The following ONECUT3 variants were observed in gnomAD, a reference collection of about 807,000 sequenced individuals.
The protein encoded by ONECUT3 is one cut domain family member 3.
Under a neutral mutation model 16.8 loss-of-function variants are expected in ONECUT3, and 11 were observed. That is an observed-to-expected ratio of 0.66 (90% confidence interval 0.41 to 1.09). ONECUT3 has a LOEUF of 1.09. Ranked by LOEUF, ONECUT3 falls within the 50% of genes least tolerant of loss-of-function variation. ONECUT3 has a pLI of 0.00. For missense variants in ONECUT3, 637 were observed against 629.9 expected (o/e 1.01, Z -0.12); for synonymous variants, 344 against 310.7 (o/e 1.11, Z -1.13).
rs912124870 is a variant in ONECUT3 at position 1,776,580 on chromosome 19, A to G, written c.*1135A>G. 4 of 152,096 alleles carry G rather than the reference A, an allele frequency of 2.6e-5. No homozygotes were observed. The highest frequency in any genetic ancestry group is 2.6e-4 in the Admixed American group (4 of 15,276). 9.4% of individuals were successfully genotyped at this position (152,096 alleles called of 1,614,324 possible). A position where few individuals can be genotyped will look rare whatever the true frequency, so the allele number is the denominator to read the frequency against. On this transcript the variant is annotated 3_prime_UTR_variant, in exon 2 of 2. Coordinates refer to ENST00000382349, the MANE Select transcript of ONECUT3 (RefSeq NM_001080488.2). This position sits in a 1 kb window ranked among gnomAD's most constrained non-coding sequence, Gnocchi z 4.9. ...CCGCTTGCTCCATTTTTTGCCAAAA[A>G]TATTTACAAATGGGAAGGGTCGGAA...
rs375735094 is a variant in ONECUT3, at chr19:1,766,810, C to A, written c.1193-8343C>A. ...AGGGTCTTGCAGGCTGGGCTGAGAC[C>A]CCCCCCCCATGCTCCACCACCCTCG... On this transcript the variant is annotated intron_variant, in intron 1 of 1. Coordinates refer to ENST00000382349, the MANE Select transcript of ONECUT3 (RefSeq NM_001080488.2). This position sits in a 1 kb window ranked among gnomAD's most constrained non-coding sequence, Gnocchi z 4.0. Among the ~76,000 whole-genome samples the A allele has an allele frequency of 4.4e-3, 537 of 122,744 alleles. 9 individuals carry two copies. The highest frequency in any genetic ancestry group is 0.035 in the South Asian group (157 of 4,446). 80.5% of individuals were successfully genotyped at this position (122,744 alleles called of 152,430 possible). A position where few individuals can be genotyped will look rare whatever the true frequency, so the allele number is the denominator to read the frequency against.
chr19:1,755,577 G>A lies in ONECUT3; in HGVS notation c.1192+723G>A, dbSNP rs943583600. 6.6e-6 allele frequency among the ~76,000 whole-genome samples: 1 copy of A among 152,104 alleles called. No individual in the cohort carries two copies. The highest frequency in any genetic ancestry group is 1.5e-5 in the Non-Finnish European group (1 of 67,988). ...CCCGGCGCCCGCCCCGCGCAGTTTG[G>A]TCGTGGCTCGGGTGCGCGCGCCCCT... On this transcript the variant is annotated intron_variant, in intron 1 of 1. Transcript: ENST00000382349. This position sits in a 1 kb window ranked among gnomAD's most constrained non-coding sequence, Gnocchi z 7.5.
chr19:1,754,117 C>T lies in ONECUT3; in HGVS notation c.455C>T (p.Pro152Leu). Residue 152 changes from proline to leucine, a missense_variant, in exon 1 of 2, where the codon CCC becomes CTC. This residue lies in a region of ONECUT3 where 419 missense variants were observed against 377.9 expected (regional missense o/e 1.11). Transcript: ENST00000382349. The surrounding 1 kb of genome is among the most constrained non-coding windows in gnomAD (Gnocchi z 7.4). ...CACCCGCACCCGGCGGCCGCGCCGC[C>T]CCCGCCACCCCCGCCGCAGCGTCTG... ...HAHPHPAAAP[P>L]PPPPPQRLAA... The T allele has an allele frequency of 9.7e-7, 1 of 1,026,334 alleles. No individual in the cohort carries two copies. The highest frequency in any genetic ancestry group is 1.2e-6 in the Non-Finnish European group (1 of 859,222). The allele number at this position is 1,026,334 out of a possible 1,614,324, so 63.6% of individuals were successfully genotyped here. A position where few individuals can be genotyped will look rare whatever the true frequency, so the allele number is the denominator to read the frequency against.
chr19:1,760,149 G>A (rs866051067), intron 1 of ONECUT3, among the ~76,000 whole-genome samples: 1 of 152,196 alleles, frequency 6.6e-6, no homozygotes, highest in African/African-American at 2.4e-5. Context: ...CCACCCTACA[G>A]ACCAGCAAGC....
In ONECUT3 at chr19:1,762,190, G is replaced by T. The variant is rs2067949630; in HGVS notation, c.1192+7336G>T. On this transcript the variant is annotated intron_variant, in intron 1 of 1. Transcript: ENST00000382349. This position sits in a 1 kb window ranked among gnomAD's most constrained non-coding sequence, Gnocchi z 4.4. ...GTGGCTGCGCCATCTGGAGACCCTCGTGCTGGCTGCTGGGGGTCCTGCGTG... is the reference window on the plus strand; with the variant it reads ...GTGGCTGCGCCATCTGGAGACCCTCTTGCTGGCTGCTGGGGGTCCTGCGTG... 6.6e-6 allele frequency among the ~76,000 whole-genome samples: 1 copy of T among 152,190 alleles called. No individual in the cohort carries two copies. Among genetic ancestry groups the T allele is most frequent in the Non-Finnish European group, 1.5e-5 (1 of 68,026 alleles).
chr19:1,754,025 C>G lies in ONECUT3; in HGVS notation c.363C>G (p.Ala121=). Residue 121 remains alanine, a synonymous_variant, in exon 1 of 2, where the codon GCC becomes GCG. Coordinates refer to ENST00000382349, the MANE Select transcript of ONECUT3 (RefSeq NM_001080488.2). This position sits in a 1 kb window ranked among gnomAD's most constrained non-coding sequence, Gnocchi z 7.4. ...ACCTGCCGCCGCTCGCGGCCGTGGCCGACAAGTTCCACCAGCACGCGGCGG... is the reference window on the plus strand; with the variant it reads ...ACCTGCCGCCGCTCGCGGCCGTGGCGGACAAGTTCCACCAGCACGCGGCGG... ...LQHLPPLAAV[A]DKFHQHAAAA... The G allele has an allele frequency of 1.0e-6, 1 of 992,534 alleles. No individual in the cohort carries two copies. The highest frequency in any genetic ancestry group is 1.2e-6 in the Non-Finnish European group (1 of 836,170). 61.5% of individuals were successfully genotyped at this position (992,534 alleles called of 1,614,324 possible).
Position 1,775,171 on chromosome 19 carries a change from A to C in ONECUT3, c.1211A>C (p.Gln404Pro). The C allele has an allele frequency of 2.1e-6, 3 of 1,404,050 alleles. No individual in the cohort carries two copies. Among genetic ancestry groups the C allele is most frequent in the Non-Finnish European group, 2.9e-6 (3 of 1,050,780 alleles). 87.0% of individuals were successfully genotyped at this position (1,404,050 alleles called of 1,614,324 possible). Residue 404 changes from glutamine to proline, a missense_variant, in exon 2 of 2, where the codon CAG (glutamine) becomes CCG (proline). Gln to Pro is a moderately conservative substitution (Grantham distance 76, BLOSUM62 -1). Around this residue, in one of 3 missense-constraint regions of ONECUT3, gnomAD observed 183 missense variants for 188.3 expected, o/e 0.97. Transcript: ENST00000382349. ...CCCGCAGCCTGCAAGCGCAAGGAACAGGAGCAGCAGAAGGAGCGCGCCCTG... is the reference window on the plus strand; with the variant it reads ...CCCGCAGCCTGCAAGCGCAAGGAACCGGAGCAGCAGAAGGAGCGCGCCCTG... ...LRLAACKRKE[Q>P]EQQKERALQP...
rs1555801763 is a variant in ONECUT3, at chr19:1,778,891, C to CACACACACACACACACACACAT, written c.*3467_*3468insTACACACACACACACACACACA. 7.9e-4 allele frequency: 119 copies of CACACACACACACACACACACAT among 150,928 alleles called. No individual in the cohort carries two copies. Among genetic ancestry groups the CACACACACACACACACACACAT allele is most frequent in the Middle Eastern group, 3.4e-3 (1 of 298 alleles). The allele number at this position is 150,928 out of a possible 1,614,324, so 9.3% of individuals were successfully genotyped here. ...TCACACACACACACACACACACACA[C>CACACACACACACACACACACAT]ACACACACACACACACACACACCCC... On this transcript the variant is annotated 3_prime_UTR_variant, in exon 2 of 2. Coordinates refer to ENST00000382349, the MANE Select transcript of ONECUT3 (RefSeq NM_001080488.2).
At chr19:1,772,013 T>G (rs908058062) in intron 1 of ONECUT3, among the ~76,000 whole-genome samples, 1 of 149,384 alleles carries the variant, frequency 6.7e-6, no homozygotes, top group African/African-American at 2.5e-5. Context: ...ATTTATTTAT[T>G]TATTTATTTA....
In ONECUT3 at chr19:1,777,573, T is replaced by G. The variant is rs1474587950; in HGVS notation, c.*2128T>G. Reference sequence around the variant, plus strand: ...CTCCCACTAAAACCTGGGCCTTAATTTCTCTCCCGTCCCCACCCCTAAATT... The same window carrying G: ...CTCCCACTAAAACCTGGGCCTTAATGTCTCTCCCGTCCCCACCCCTAAATT... On this transcript the variant is annotated 3_prime_UTR_variant, in exon 2 of 2. Transcript: ENST00000382349. The G allele has an allele frequency of 6.6e-6, 1 of 152,196 alleles. No individual in the cohort carries two copies. The highest frequency in any genetic ancestry group is 1.5e-5 in the Non-Finnish European group (1 of 68,082). 9.4% of individuals were successfully genotyped at this position (152,196 alleles called of 1,614,324 possible). A position where few individuals can be genotyped will look rare whatever the true frequency, so the allele number is the denominator to read the frequency against.
At position 1,759,558 on chromosome 19, in the gene ONECUT3, A is replaced by T. The variant is rs1485515972; in HGVS notation, c.1192+4704A>T. Among the ~76,000 whole-genome samples the T allele has an allele frequency of 6.6e-6, 1 of 152,082 alleles. No homozygotes were observed. ...AGGGAAAGACCCCTGTGCCTTTTGC[A>T]AAAACCCCACTTTCCACTGCAAGGG... On this transcript the variant is annotated intron_variant, in intron 1 of 1. Coordinates refer to ENST00000382349, the MANE Select transcript of ONECUT3 (RefSeq NM_001080488.2). The surrounding 1 kb of genome is among the most constrained non-coding windows in gnomAD (Gnocchi z 4.1).
rs889121152 is a variant in ONECUT3, at chr19:1,778,366, A to T, written c.*2921A>T. On this transcript the variant is annotated 3_prime_UTR_variant, in exon 2 of 2. Transcript: ENST00000382349. ...GGGTCCTCCTGCCTCGGCCTCCAAA[A>T]GTGCTAGGATTACAGGTAGATAGAC... The T allele has an allele frequency of 6.6e-6, 1 of 152,238 alleles. No homozygotes were observed. Among genetic ancestry groups the T allele is most frequent in the East Asian group, 1.9e-4 (1 of 5,170 alleles). The allele number at this position is 152,238 out of a possible 1,614,324, so 9.4% of individuals were successfully genotyped here.
At chr19:1,771,736 G>A (rs2068056611) in intron 1 of ONECUT3, among the ~76,000 whole-genome samples, 1 of 151,496 alleles carries the variant, frequency 6.6e-6, no homozygotes, top group African/African-American at 2.4e-5. Context: ...CTGGAGTGCA[G>A]TATCATGATC....
In ONECUT3 at chr19:1,754,013, C is replaced by G. The variant is rs1418330918; in HGVS notation, c.351C>G (p.Leu117=). The change falls in exon 1 of 2, where the codon CTC becomes CTG. Residue 117 remains leucine (L), a synonymous_variant. Coordinates refer to ENST00000382349, the MANE Select transcript of ONECUT3 (RefSeq NM_001080488.2). This position sits in a 1 kb window ranked among gnomAD's most constrained non-coding sequence, Gnocchi z 7.4. The part of the protein sequence containing the change: ...TLTPLQHLPP[L]AAVADKFHQH... The stretch of plus-strand genomic sequence containing the variant: ...CGCCCCTGCAGCACCTGCCGCCGCT[C>G]GCGGCCGTGGCCGACAAGTTCCACC... 1.0e-6 allele frequency: 1 copy of G among 993,140 alleles called. No individual in the cohort carries two copies. The highest frequency in any genetic ancestry group is 1.2e-6 in the Non-Finnish European group (1 of 836,596). The allele number at this position is 993,140 out of a possible 1,614,324, so 61.5% of individuals were successfully genotyped here.
Position 1,754,696 on chromosome 19 carries a change from C to A in ONECUT3, c.1034C>A (p.Ala345Glu), listed in dbSNP as rs1222372377. 1 of 1,535,682 alleles carries A rather than the reference C, an allele frequency of 6.5e-7. No individual in the cohort carries two copies. The highest frequency in any genetic ancestry group is 2.6e-5 in the East Asian group (1 of 38,504). ...KRYSIPQAIF[A>E]QRILCRSQGT... Reference sequence around the variant, plus strand: ...TACAGCATCCCGCAGGCAATCTTCGCGCAGCGGATCCTGTGTCGCTCTCAG... The same window carrying A: ...TACAGCATCCCGCAGGCAATCTTCGAGCAGCGGATCCTGTGTCGCTCTCAG... Residue 345 changes from alanine (A) to glutamate (E), a missense_variant, in exon 1 of 2, where the codon GCG becomes GAG. Ala to Glu is a moderately radical substitution (Grantham distance 107, BLOSUM62 -1). Transcript: ENST00000382349. This position sits in a 1 kb window ranked among gnomAD's most constrained non-coding sequence, Gnocchi z 7.4.
At chr19:1,773,055 G>A (rs1225612062) in intron 1 of ONECUT3, among the ~76,000 whole-genome samples, 1 of 151,746 alleles carries the variant, frequency 6.6e-6, no homozygotes, top group Admixed American at 6.6e-5. Context: ...TTTTACTCTG[G>A]CTGTTATATA....
Position 1,776,980 on chromosome 19 carries a change from C to T in ONECUT3, c.*1535C>T, listed in dbSNP as rs1600367623. ...CCCTGGCCTGGGACCCGGCTCGGGG[C>T]CCCGCCTGCCGAGTGCCACCCCTTC... On this transcript the variant is annotated 3_prime_UTR_variant, in exon 2 of 2. Transcript: ENST00000382349. The surrounding 1 kb of genome is among the most constrained non-coding windows in gnomAD (Gnocchi z 4.9). The T allele has an allele frequency of 6.6e-6, 1 of 152,150 alleles. No individual in the cohort carries two copies. The highest frequency in any genetic ancestry group is 1.5e-5 in the Non-Finnish European group (1 of 68,038). The allele number at this position is 152,150 out of a possible 1,614,324, so 9.4% of individuals were successfully genotyped here. A position where few individuals can be genotyped will look rare whatever the true frequency, so the allele number is the denominator to read the frequency against.
rs1441597232 is a variant in ONECUT3, at chr19:1,753,605, G to A, written c.-58G>A. The A allele has an allele frequency of 2.7e-5, 17 of 620,724 alleles. No homozygotes were observed. Among genetic ancestry groups the A allele is most frequent in the Non-Finnish European group, 3.1e-5 (15 of 486,076 alleles). 38.5% of individuals were successfully genotyped at this position (620,724 alleles called of 1,614,324 possible). The stretch of plus-strand genomic sequence containing the variant: ...GGGGAGCGGGCGGGAGTCATGCAGC[G>A]GCCTTGAGCACTAGGGGCCGGCGCT... On this transcript the variant is annotated 5_prime_UTR_variant, in exon 1 of 2. Coordinates refer to ENST00000382349, the MANE Select transcript of ONECUT3 (RefSeq NM_001080488.2).
rs1331634748 is a variant in ONECUT3, at chr19:1,758,231, G to A, written c.1192+3377G>A. ...AGACCGGGAGCGGGAGAAACAGACGGGGAGAAGAGAAAAAGAAGCCCAGAA... is the reference window on the plus strand; with the variant it reads ...AGACCGGGAGCGGGAGAAACAGACGAGGAGAAGAGAAAAAGAAGCCCAGAA... On this transcript the variant is annotated intron_variant, in intron 1 of 1. Coordinates refer to ENST00000382349, the MANE Select transcript of ONECUT3 (RefSeq NM_001080488.2). The surrounding 1 kb of genome is among the most constrained non-coding windows in gnomAD (Gnocchi z 5.9). Among the ~76,000 whole-genome samples, 2 of 148,412 alleles carry A rather than the reference G, an allele frequency of 1.3e-5. No individual in the cohort carries two copies. The highest frequency in any genetic ancestry group is 1.5e-5 in the Non-Finnish European group (1 of 65,548).
Sources: allele counts gnomAD v4.1 joint callset (sites outside exome capture counted in the v4.1 genomes callset), GRCh38; gene constraint gnomAD v4.1.1; regional missense constraint gnomAD v4.1.1; non-coding constraint Gnocchi (gnomAD v3.1); transcripts MANE v1.5; gene names NCBI Gene and HGNC (gene_info 2026-07-23, HGNC 2026-07-21).